ETS1: variants seen among roughly 807,000 people sequenced by gnomAD.
ETS1 encodes ETS proto-oncogene 1, transcription factor.
ETS1 carries 15 observed loss-of-function variants against 58.6 expected under a neutral mutation model. That is an observed-to-expected ratio of 0.26 (90% CI 0.17 to 0.39). ETS1 has a LOEUF of 0.39. ETS1 is among the 10% of genes least tolerant of loss of function. The pLI is 1.00. For synonymous variants in ETS1, 214 were observed against 218.2 expected (o/e 0.98, Z 0.17); for missense variants, 417 against 610.5 (o/e 0.68, Z 3.34).
intron 3 of ETS1, among the ~76,000 whole-genome samples, chr11:128,553,377 C>T (rs1864262789): frequency 6.6e-6 from 1 of 152,162 alleles, no homozygotes; most frequent in African/African-American, 2.4e-5. Flanking sequence ...CTATTTTTCT[C>T]TTTCATGTTA....
rs1861968239 is a variant in ETS1, at chr11:128,463,981, T to C, written c.1124-354A>G. 6.1e-6 allele frequency: 1 copy of C among 164,806 alleles called. No individual in the cohort carries two copies. 10.2% of individuals were successfully genotyped at this position (164,806 alleles called of 1,614,324 possible). A position where few individuals can be genotyped will look rare whatever the true frequency, so the allele number is the denominator to read the frequency against. On this transcript the variant is annotated intron_variant, in intron 8 of 9. Coordinates refer to ENST00000392668, the MANE Select transcript of ETS1 (RefSeq NM_001143820.2). The surrounding 1 kb of genome is among the most constrained non-coding windows in gnomAD (Gnocchi z 4.1). ...ATCTTTTACACCTGCAAAAACTAAG[T>C]CATTATTTTTGCCTTCAGAAGTAAG...
At chr11:128,554,036 T>C (rs945380676) in intron 3 of ETS1, among the ~76,000 whole-genome samples, 5 of 152,182 alleles carry the variant, frequency 3.3e-5, no homozygotes, top group African/African-American at 1.2e-4. Context: ...GGTCTATGTC[T>C]TCATCTCCCT....
At chr11:128,482,619 C>CGGTA (rs1862517486) in intron 7 of ETS1, among the ~76,000 whole-genome samples, 1 of 152,142 alleles carries the variant, frequency 6.6e-6, no homozygotes, top group Admixed American at 6.5e-5. Context: ...TGGTTTACAG[C>CGGTA]GGTAGGCAGC....
intron 3 of ETS1, among the ~76,000 whole-genome samples, chr11:128,548,408 G>A (rs1029794038): frequency 3.3e-5 from 5 of 151,908 alleles, no homozygotes; most frequent in African/African-American, 1.2e-4. Context: ...GGAAACTGAG[G>A]CTCAGAGGGT....
intron 8 of ETS1, among the ~76,000 whole-genome samples, chr11:128,467,863 G>A (rs1256910159): frequency 6.6e-6 from 1 of 152,034 alleles, no homozygotes; most frequent in African/African-American, 2.4e-5. Flanking sequence ...TCTCTTTCCA[G>A]AGCCATGCGG....
chr11:128,558,649 C>CAAAAAAAAAA (rs201114905), intron 2 of ETS1, among the ~76,000 whole-genome samples: 3 of 103,440 alleles, frequency 2.9e-5, no homozygotes, highest in African/African-American at 7.1e-5. Flanking sequence ...ATATCCATCC[C>CAAAAAAAAAA]AAAAAAAAAA....
chr11:128,482,155 T>C (rs1862504270), intron 7 of ETS1, among the ~76,000 whole-genome samples: 1 of 152,208 alleles, frequency 6.6e-6, no homozygotes, highest in Admixed American at 6.5e-5. Flanking sequence ...AGAAAAGTCA[T>C]CTTTTTCACC....
At chr11:128,485,246 C>T (rs1862596859) in intron 6 of ETS1, among the ~76,000 whole-genome samples, 175 bp from the exon 7 acceptor site, 1 of 152,106 alleles carries the variant, frequency 6.6e-6, no homozygotes, top group Admixed American at 6.5e-5. Flanking sequence ...CAGCTTTAGC[C>T]CTTGACAAGG....
intron 3 of ETS1, among the ~76,000 whole-genome samples, chr11:128,520,113 T>C (rs946755074): frequency 6.6e-6 from 1 of 152,248 alleles, no homozygotes; most frequent in Non-Finnish European, 1.5e-5. Flanking sequence ...ACGCTGACTG[T>C]AGCGTTAGGC....
At chr11:128,505,759 G>C (rs1253829777) in intron 3 of ETS1, among the ~76,000 whole-genome samples, 1 of 152,204 alleles carries the variant, frequency 6.6e-6, no homozygotes, top group African/African-American at 2.4e-5. Context: ...CATCTGCCTG[G>C]GTAGGTGAGA....
chr11:128,489,359 A>C lies in ETS1; in HGVS notation c.466T>G (p.Cys156Gly). ...GAALCALGKD[C>G]FLELAPDFVG... is the part of the protein sequence containing the mutation. ...AAGTCTGGGGCCAGCTCGAGAAAGC[A>C]GTCTTTACCCAGGGCGCAGAGGGCT... Residue 156 changes from cysteine to glycine, a missense_variant, in exon 5 of 10, where the codon TGC becomes GGC. Physicochemically the swap from Cys to Gly is radical, Grantham distance 159. This residue lies in a region of ETS1 where 132 missense variants were observed against 212.1 expected (regional missense o/e 0.62). Coordinates refer to ENST00000392668, the MANE Select transcript of ETS1 (RefSeq NM_001143820.2). 2 of 1,614,232 alleles carry C rather than the reference A, an allele frequency of 1.2e-6. No homozygotes were observed. Among genetic ancestry groups the C allele is most frequent in the Non-Finnish European group, 1.7e-6 (2 of 1,180,044 alleles).
chr11:128,518,057 C>G (rs1027008563), intron 3 of ETS1, among the ~76,000 whole-genome samples: 2 of 152,190 alleles, frequency 1.3e-5, no homozygotes, highest in Non-Finnish European at 2.9e-5. Flanking sequence ...TGCCTCTAGA[C>G]TTGGTAGCCT....
chr11:128,495,298 T>G (rs3924513), intron 3 of ETS1, among the ~76,000 whole-genome samples: 30,140 of 152,080 alleles, frequency 0.2, 3,339 homozygotes, highest in Middle Eastern at 0.26. Flanking sequence ...AACTAACATT[T>G]TTCAGAGCTG....
At chr11:128,548,743 TC>T (rs1326938767) in intron 3 of ETS1, among the ~76,000 whole-genome samples, 3 of 152,196 alleles carry the variant, frequency 2.0e-5, no homozygotes, top group Non-Finnish European at 4.4e-5. Flanking sequence ...GGAAAGCTCG[TC>T]CCGGGACGCC....
In ETS1 at chr11:128,523,705, T is replaced by G. The variant is rs1863746186; in HGVS notation, c.214+32586A>C. ...GTGGCTCCTGGTCTAAACTCCAGAT[T>G]AAATCCCTCCTTAGTGACCAGAGGA... On this transcript the variant is annotated intron_variant, in intron 3 of 9. Transcript: ENST00000392668. Among the ~76,000 whole-genome samples the G allele has an allele frequency of 2.0e-5, 3 of 152,236 alleles. No homozygotes were observed. The South Asian group carries it at 6.2e-4, about 31-fold the overall frequency.
chr11:128,514,292 G>T (rs1778206051), intron 3 of ETS1, among the ~76,000 whole-genome samples: 1 of 151,930 alleles, frequency 6.6e-6, no homozygotes, highest in Non-Finnish European at 1.5e-5. Context: ...CAATAACTCT[G>T]CTCTACCCTT....
chr11:128,466,395 A>G (rs564457244), intron 8 of ETS1, among the ~76,000 whole-genome samples: 30 of 152,298 alleles, frequency 2.0e-4, no homozygotes, highest in Middle Eastern at 3.4e-3. Context: ...CTGGTGCTGG[A>G]GAACAGGGCC....
At chr11:128,505,587 C>T (rs1863206480) in intron 3 of ETS1, among the ~76,000 whole-genome samples, 1 of 152,182 alleles carries the variant, frequency 6.6e-6, no homozygotes, top group Non-Finnish European at 1.5e-5. Context: ...CACACGGACC[C>T]AGGGCAGACA....
Position 128,486,836 on chromosome 11 carries a change from G to A in ETS1, c.536-690C>T, listed in dbSNP as rs557259425. ...CACCTGCGGACAGAAAGCTCTGAAC[G>A]ACCCTGCAGTAAGCCTGGGATCCTC... On this transcript the variant is annotated intron_variant, in intron 5 of 9. Transcript: ENST00000392668. 9.2e-5 allele frequency among the ~76,000 whole-genome samples: 14 copies of A among 152,342 alleles called. No homozygotes were observed. In the South Asian group the frequency reaches 1.7e-3, roughly 18 times the overall value.
Sources: gnomAD v4.1 joint callset for allele counts (sites outside exome capture counted in the v4.1 genomes callset) on GRCh38, gnomAD v4.1.1 for gene constraint, gnomAD v4.1.1 regional missense constraint, Gnocchi (gnomAD v3.1) non-coding constraint, MANE v1.5 for transcripts, NCBI Gene and HGNC (gene_info 2026-07-23, HGNC 2026-07-21) for gene names.